The following LRRC49 variants were observed in gnomAD, a reference collection of about 807,000 sequenced individuals.
LRRC49 encodes leucine-rich repeat-containing protein 49.
Under a neutral mutation model 83.3 loss-of-function variants are expected in LRRC49, and 50 were observed. That is an observed-to-expected ratio of 0.60 (90% CI 0.48 to 0.76). The LOEUF (loss-of-function observed/expected upper bound fraction) is 0.76, where lower values mean the gene tolerates loss of function less well. LRRC49 is among the 30% of genes least tolerant of loss of function. The probability of loss-of-function intolerance (pLI) is 0.00; values close to 1 mark genes in which losing one functional copy is unlikely to be tolerated. For missense variants in LRRC49, 704 were observed against 809.1 expected, an observed-to-expected ratio of 0.87 and a Z score of 1.58; for synonymous variants, 286 against 283.3, an observed-to-expected ratio of 1.01 and a Z score of -0.10.
chr15:71,027,535 G>A (rs1428479839), intron 14 of LRRC49, among the ~76,000 whole-genome samples: 1 of 152,190 alleles, frequency 6.6e-6, no homozygotes, highest in Admixed American at 6.5e-5. Context: ...ACTTTGGGCA[G>A]TATGGCCATT....
chr15:71,006,990 G>A (rs932984798), intron 11 of LRRC49, among the ~76,000 whole-genome samples: 6 of 151,960 alleles, frequency 3.9e-5, no homozygotes, highest in African/African-American at 1.4e-4. Context: ...GACCATTCAT[G>A]TACTACTACT....
chr15:71,009,598 A>G (rs1003325833), intron 12 of LRRC49: 4 of 418,750 alleles, frequency 9.6e-6, no homozygotes, highest in African/African-American at 2.0e-5. Flanking sequence ...CCAGAATTCA[A>G]TATTGGATGG....
intron 11 of LRRC49, among the ~76,000 whole-genome samples, chr15:70,992,470 G>A (rs183419872): frequency 3.0e-4 from 46 of 152,268 alleles, no homozygotes; most frequent in Admixed American, 2.7e-3. Context: ...TGATGGTGAC[G>A]TACAGATGGG....
At chr15:71,013,712 A>C (rs544104945) in intron 14 of LRRC49, among the ~76,000 whole-genome samples, 3 of 152,330 alleles carry the variant, frequency 2.0e-5, no homozygotes, top group Admixed American at 6.5e-5. Context: ...CTCTGGTTAG[A>C]GTAAGCAAGG....
At chr15:70,918,059 C>A (rs1176875016) in intron 6 of LRRC49, 2 of 152,330 alleles carry the variant, frequency 1.3e-5, no homozygotes, top group Non-Finnish European at 2.9e-5. Context: ...GTTCTCAGTG[C>A]CAGCTGTGGA....
At chr15:70,976,263 A>G (rs924446328) in intron 9 of LRRC49, among the ~76,000 whole-genome samples, 1 of 152,276 alleles carries the variant, frequency 6.6e-6, no homozygotes, top group South Asian at 2.1e-4. Context: ...CTCTAACACT[A>G]GGTGTGACCC....
At chr15:70,929,783 C>T (rs1403136451) in intron 7 of LRRC49, among the ~76,000 whole-genome samples, 1 of 152,216 alleles carries the variant, frequency 6.6e-6, no homozygotes, top group South Asian at 2.1e-4. Context: ...TCACCAGGAG[C>T]AGTTTCCATC....
chr15:71,031,876 G>T (rs1277323059), intron 14 of LRRC49, among the ~76,000 whole-genome samples: 4 of 152,112 alleles, frequency 2.6e-5, no homozygotes, highest in Non-Finnish European at 2.9e-5. Context: ...GTCAACTTCA[G>T]CCTACTGTGC....
At chr15:70,892,340 C>T (rs2141094400), upstream of LRRC49, 2 of 1,548,986 alleles carry the variant, frequency 1.3e-6, no homozygotes, top group African/African-American at 1.4e-5. Flanking sequence ...CTCCTCGCAG[C>T]GGCCTCGGCG....
chr15:71,014,447 C>T (rs1003242673), intron 14 of LRRC49, among the ~76,000 whole-genome samples: 2 of 151,154 alleles, frequency 1.3e-5, no homozygotes, highest in East Asian at 1.9e-4. Flanking sequence ...AAGTGATCAA[C>T]GAAAAGCAGG....
rs923947841 is a variant in LRRC49, at chr15:70,949,992, G to A, written c.773+13170G>A. 2.0e-5 allele frequency among the ~76,000 whole-genome samples: 3 copies of A among 151,984 alleles called. No individual in the cohort carries two copies. In the East Asian group the frequency reaches 5.8e-4, roughly 29 times the overall value. ...CCTCCCCCATCAAGTGGTCCCCAGT[G>A]TCTTTGTTCCCTTCTTTGTATTCAT... On this transcript the variant is annotated intron_variant, in intron 8 of 15. Coordinates refer to ENST00000260382, the MANE Select transcript of LRRC49 (RefSeq NM_017691.5).
At chr15:70,913,077 A>C (rs2034616716) in intron 6 of LRRC49, among the ~76,000 whole-genome samples, 1 of 152,208 alleles carries the variant, frequency 6.6e-6, no homozygotes. Context: ...TTTGTCTTTG[A>C]AATGTAATAT....
intron 2 of LRRC49, chr15:70,882,234 GA>G (rs969352608): frequency 3.3e-4 from 136 of 408,506 alleles, no homozygotes; most frequent in South Asian, 6.8e-4. Flanking sequence ...AGGATTAAAA[GA>G]AAAAAAAAGG....
At chr15:70,894,226 T>C (rs1202666094) in intron 2 of LRRC49, among the ~76,000 whole-genome samples, 1 of 152,216 alleles carries the variant, frequency 6.6e-6, no homozygotes, top group Non-Finnish European at 1.5e-5. Flanking sequence ...TCAGGAGCCT[T>C]CTTAAAATTG....
intron 3 of LRRC49, 31 bp from the exon 4 acceptor site, chr15:70,900,891 A>T: frequency 7.4e-7 from 1 of 1,353,614 alleles, no homozygotes; most frequent in Non-Finnish European, 1.0e-6. Context: ...GGTTTTTCTT[A>T]ATTAAGTAAT....
chr15:71,037,629 G>A (rs1352223703), intron 15 of LRRC49, among the ~76,000 whole-genome samples: 1 of 152,042 alleles, frequency 6.6e-6, no homozygotes, highest in Non-Finnish European at 1.5e-5. Context: ...CAGGACCAAG[G>A]GTCCCGATCT....
At chr15:70,919,856 G>T (rs564370919) in intron 7 of LRRC49, among the ~76,000 whole-genome samples, 1 of 152,180 alleles carries the variant, frequency 6.6e-6, no homozygotes, top group South Asian at 2.1e-4. Flanking sequence ...GGAGGAAAAA[G>T]AGTTCGATTG....
At chr15:70,864,139 G>A (rs4777318) in intron 1 of LRRC49, among the ~76,000 whole-genome samples, 83,053 of 151,958 alleles carry the variant, frequency 0.55, 23,470 homozygotes, top group Admixed American at 0.69. Flanking sequence ...AGACACCCCC[G>A]GGGAATGTCC....
At chr15:70,913,329 T>C (rs372526445) in intron 6 of LRRC49, among the ~76,000 whole-genome samples, 1 of 152,200 alleles carries the variant, frequency 6.6e-6, no homozygotes, top group African/African-American at 2.4e-5. Context: ...ATAGATTTAA[T>C]AGGCCACATC....
Sources: gnomAD v4.1 joint callset for allele counts (sites outside exome capture counted in the v4.1 genomes callset) on GRCh38, gnomAD v4.1.1 for gene constraint, MANE v1.5 for transcripts, NCBI Gene and HGNC (gene_info 2026-07-23, HGNC 2026-07-21) for gene names.